BTAF1: variants seen among roughly 807,000 people sequenced by gnomAD.
BTAF1 encodes TATA-binding protein-associated factor 172.
In BTAF1, 38 loss-of-function variants were observed where a neutral mutation model predicts 227.1. The observed-to-expected ratio is 0.17, with a 90% CI of 0.13 to 0.22. The LOEUF is 0.22. Ranked by LOEUF, BTAF1 falls within the 10% of genes least tolerant of loss-of-function variation. The probability of loss-of-function intolerance (pLI) is 1.00; values close to 1 mark genes in which losing one functional copy is unlikely to be tolerated. For synonymous variants in BTAF1, 742 were observed against 751.9 expected, an observed-to-expected ratio of 0.99 and a Z score of 0.21; for missense variants, 1,598 against 2,204.0, an observed-to-expected ratio of 0.73 and a Z score of 5.51.
chr10:91,973,943 A>G (rs888331836), intron 14 of BTAF1, among the ~76,000 whole-genome samples: 28 of 151,198 alleles, frequency 1.9e-4, no homozygotes, highest in Non-Finnish European at 2.2e-4. Flanking sequence ...CCAAGCTCAT[A>G]TAAGCAGCTC....
chr10:91,934,306 C>T (rs975460919), intron 1 of BTAF1, among the ~76,000 whole-genome samples: 5 of 151,942 alleles, frequency 3.3e-5, no homozygotes, highest in Non-Finnish European at 7.4e-5. Context: ...ACAATCTCAG[C>T]TCATTACAAC....
At chr10:91,957,104 T>A (rs919095043) in intron 7 of BTAF1, 121 bp from the exon 8 acceptor site, 6 of 624,826 alleles carry the variant, frequency 9.6e-6, no homozygotes, top group African/African-American at 9.2e-5. Flanking sequence ...GTTAAAAAAA[T>A]TAAATTTTTA....
At chr10:91,963,952 A>G (rs903441115) in intron 12 of BTAF1, 125 bp from the exon 13 acceptor site, 3 of 1,014,624 alleles carry the variant, frequency 3.0e-6, no homozygotes, top group Non-Finnish European at 4.3e-6. Flanking sequence ...CAAAATTGAC[A>G]CCGTCCAAGG....
At chr10:91,958,628 G>A (rs1161121718) in intron 8 of BTAF1, among the ~76,000 whole-genome samples, 6 of 152,046 alleles carry the variant, frequency 3.9e-5, no homozygotes, top group Admixed American at 6.5e-5. Context: ...GCTTGAACCC[G>A]GGAGGCGGAG....
chr10:92,006,133 A>G (rs113200204), intron 25 of BTAF1, among the ~76,000 whole-genome samples: 2 of 152,184 alleles, frequency 1.3e-5, no homozygotes, highest in African/African-American at 4.8e-5. Context: ...CCCGGCCAGT[A>G]TTTCTGGTTT....
chr10:92,017,687 T>A (rs1022097469), intron 33 of BTAF1, among the ~76,000 whole-genome samples: 7 of 152,036 alleles, frequency 4.6e-5, no homozygotes, highest in South Asian at 2.1e-4. Context: ...TTTTTAAAAA[T>A]TTTTTTAGTG....
intron 25 of BTAF1, among the ~76,000 whole-genome samples, chr10:92,003,355 A>G (rs560928402): frequency 1.1e-4 from 17 of 152,290 alleles, no homozygotes; most frequent in Non-Finnish European, 2.1e-4. Flanking sequence ...TATTCATTCT[A>G]TGTAAACTTT....
rs776719626 is a variant in BTAF1 at position 91,935,639 on chromosome 10, G to C, written c.15-18G>C. The C allele has an allele frequency of 6.2e-7, 1 of 1,610,650 alleles. No homozygotes were observed. The highest frequency in any genetic ancestry group is 1.1e-5 in the South Asian group (1 of 90,688). On this transcript the variant is annotated intron_variant, in intron 1 of 37. Coordinates refer to ENST00000265990, the MANE Select transcript of BTAF1 (RefSeq NM_003972.3). Reference sequence around the variant, plus strand: ...GGAAAAGCATTTGAGAATAACCATTGTATTTTTGTTATTTCAGGCTAGATC... The same window carrying C: ...GGAAAAGCATTTGAGAATAACCATTCTATTTTTGTTATTTCAGGCTAGATC...
At chr10:91,979,129 T>C (rs1847909548) in intron 14 of BTAF1, among the ~76,000 whole-genome samples, 5 of 152,136 alleles carry the variant, frequency 3.3e-5, no homozygotes. Flanking sequence ...GCTCCATCCA[T>C]GTTCCTGCAA....
At chr10:91,940,105 T>A in intron 3 of BTAF1, 39 bp downstream of exon 3, 1 of 1,317,092 alleles carries the variant, frequency 7.6e-7, no homozygotes, top group Non-Finnish European at 1.1e-6. Flanking sequence ...AGTAAAAACC[T>A]AACTGTAGAA....
chr10:92,018,964 G>A, intron 34 of BTAF1, 29 bp downstream of exon 34: 1 of 1,459,710 alleles, frequency 6.9e-7, no homozygotes. Context: ...TGTTAAATGT[G>A]TGTTGTACCC....
chr10:91,952,862 T>C (rs1476238624), intron 5 of BTAF1, among the ~76,000 whole-genome samples: 1 of 152,126 alleles, frequency 6.6e-6, no homozygotes, highest in Non-Finnish European at 1.5e-5. Context: ...TGCAATAATA[T>C]GATCACAGTA....
intron 32 of BTAF1, among the ~76,000 whole-genome samples, chr10:92,015,331 A>G (rs1466054506): frequency 1.3e-5 from 2 of 152,238 alleles, no homozygotes; most frequent in East Asian, 3.9e-4. Context: ...CTATCTTACT[A>G]TTAGGATTTG....
Position 91,968,513 on chromosome 10 carries a change from GTTC to G in BTAF1, c.1650+1759_1650+1761del, listed in dbSNP as rs1342807807. On this transcript the variant is annotated intron_variant, in intron 14 of 37. Transcript: ENST00000265990. ...AATTGTTACAAACATTCACGTGCAG[GTTC>G]TTATGTGGGCATTAAGTTTTCAACT... 1.9e-4 allele frequency among the ~76,000 whole-genome samples: 29 copies of G among 152,224 alleles called. 1 individual carries two copies. In the South Asian group the frequency reaches 5.4e-3, roughly 28 times the overall value.
rs147103713 is a variant in BTAF1 at position 91,925,018 on chromosome 10, TAACTG to T, written c.14+932_14+936del. Reference sequence around the variant, plus strand: ...CAAATAGTTTTCATTTTTTTATAATTAACTGAACACATTCTTTGAGCGTATTAAGT... The same window carrying T: ...CAAATAGTTTTCATTTTTTTATAATTAACACATTCTTTGAGCGTATTAAGT... On this transcript the variant is annotated intron_variant, in intron 1 of 37. Transcript: ENST00000265990. Among the ~76,000 whole-genome samples, 1,266 of 152,324 alleles carry T rather than the reference TAACTG, an allele frequency of 8.3e-3. 10 individuals carry two copies. Among genetic ancestry groups the T allele is most frequent in the Non-Finnish European group, 0.014 (927 of 68,030 alleles).
chr10:91,933,755 T>G lies in BTAF1; in HGVS notation c.15-1902T>G, dbSNP rs113786188. Among the ~76,000 whole-genome samples, 503 of 152,314 alleles carry G rather than the reference T, an allele frequency of 3.3e-3. 11 individuals are homozygous for G. The highest frequency in any genetic ancestry group is 0.012 in the African/African-American group (493 of 41,570). On this transcript the variant is annotated intron_variant, in intron 1 of 37. Transcript: ENST00000265990. ...ATTGTGTATGATGAGGAAATAATATTTTAAACACTTGTTCAAGATGCTTGG... is the reference window on the plus strand; with the variant it reads ...ATTGTGTATGATGAGGAAATAATATGTTAAACACTTGTTCAAGATGCTTGG...
intron 14 of BTAF1, among the ~76,000 whole-genome samples, chr10:91,974,006 G>A (rs1029396664): frequency 1.2e-4 from 18 of 151,710 alleles, no homozygotes; most frequent in South Asian, 2.1e-4. Flanking sequence ...AATTTTATAC[G>A]GGGACAAAAT....
At chr10:91,989,617 A>G in intron 20 of BTAF1, 37 bp downstream of exon 20, 1 of 1,518,946 alleles carries the variant, frequency 6.6e-7, no homozygotes, top group Non-Finnish European at 8.8e-7. Flanking sequence ...TAGAGAAATA[A>G]CCTTTTAAAT....
intron 25 of BTAF1, among the ~76,000 whole-genome samples, chr10:92,005,566 TTTG>T (rs1849821705): frequency 6.6e-6 from 1 of 152,184 alleles, no homozygotes; most frequent in Non-Finnish European, 1.5e-5. Context: ...TATTTTATTT[TTTG>T]TTGCTATTGT....
Sources: gnomAD v4.1 joint callset for allele counts (sites outside exome capture counted in the v4.1 genomes callset) on GRCh38, gnomAD v4.1.1 for gene constraint, MANE v1.5 for transcripts, NCBI Gene and HGNC (gene_info 2026-07-23, HGNC 2026-07-21) for gene names.